THAP6: variants seen among roughly 807,000 people sequenced by gnomAD.
The protein encoded by THAP6 is THAP domain-containing protein 6.
THAP6 carries 13 observed loss-of-function variants against 20.0 expected under a neutral mutation model. The observed-to-expected ratio is 0.65, with a 90% CI of 0.42 to 1.03. THAP6 has a LOEUF of 1.03. Ranked by LOEUF, THAP6 falls within the 50% of genes least tolerant of loss-of-function variation. The pLI is 0.00. For synonymous variants in THAP6, 93 were observed against 92.2 expected, an observed-to-expected ratio of 1.01 and a Z score of -0.05; for missense variants, 262 against 261.6, an observed-to-expected ratio of 1.00 and a Z score of -0.01.
Position 75,521,873 on chromosome 4 carries a change from A to G in THAP6, c.414+12A>G. On this transcript the variant is annotated intron_variant, in intron 4 of 4. Transcript: ENST00000311638. ...CCCAGTTCATTTTTGTAAGTAAATT[A>G]CTTGCTGAGCTCATGTTAATTCTTT... 6.2e-7 allele frequency: 1 copy of G among 1,613,316 alleles called. No individual in the cohort carries two copies. Among genetic ancestry groups the G allele is most frequent in the Non-Finnish European group, 8.5e-7 (1 of 1,179,492 alleles).
chr4:75,520,770 C>T (rs947749568), intron 3 of THAP6, among the ~76,000 whole-genome samples: 6 of 152,172 alleles, frequency 3.9e-5, no homozygotes, highest in African/African-American at 7.2e-5. Context: ...ATCTATCCCC[C>T]TACTAGCTAT....
chr4:75,540,710 A>G (rs1301287332), intron 2 of THAP6, among the ~76,000 whole-genome samples: 1 of 152,238 alleles, frequency 6.6e-6, no homozygotes, highest in Non-Finnish European at 1.5e-5. Context: ...GCATTCAGCT[A>G]CAGACTTGCC....
At chr4:75,532,336 C>T (rs1419439030), downstream of THAP6, among the ~76,000 whole-genome samples, 1 of 152,194 alleles carries the variant, frequency 6.6e-6, no homozygotes, top group Non-Finnish European at 1.5e-5. Context: ...TCAGGTAATG[C>T]TAATGCAAGG....
At chr4:75,532,885 C>A (rs984556490), downstream of THAP6, among the ~76,000 whole-genome samples, 1 of 152,170 alleles carries the variant, frequency 6.6e-6, no homozygotes, top group East Asian at 1.9e-4. Flanking sequence ...GCCTGGCCCA[C>A]AAAACCATAC....
chr4:75,530,457 G>T (rs147654891), downstream of THAP6, among the ~76,000 whole-genome samples: 5 of 152,208 alleles, frequency 3.3e-5, no homozygotes, highest in East Asian at 7.7e-4. Context: ...ATGTTTATAG[G>T]CCCCTGAATT....
In THAP6 at chr4:75,516,798, G is replaced by A. The variant is rs769951434; in HGVS notation, c.107G>A (p.Arg36Lys). 1.9e-6 allele frequency: 3 copies of A among 1,613,660 alleles called. No homozygotes were observed. The East Asian group carries it at 6.7e-5, about 36-fold the overall frequency. Residue 36 changes from arginine to lysine, a missense_variant, in exon 3 of 5, where the codon AGG becomes AAG. Transcript: ENST00000311638. ...TTCCCCACAGATGAAAACATCAAAA[G>A]GAAATGGGTATTAGCAATGAAAAGA... ...HVFPTDENIKRKWVLAMKRLD... is the reference protein window; with the variant it reads ...HVFPTDENIKKKWVLAMKRLD...
Position 75,529,048 on chromosome 4 carries a change from A to G in THAP6, c.*1834A>G, listed in dbSNP as rs964725623. 2 of 883,180 alleles carry G rather than the reference A, an allele frequency of 2.3e-6. No homozygotes were observed. Among genetic ancestry groups the G allele is most frequent in the African/African-American group, 1.8e-5 (1 of 55,122 alleles). The allele number at this position is 883,180 out of a possible 1,614,324, so 54.7% of individuals were successfully genotyped here. The stretch of plus-strand genomic sequence containing the variant: ...AGCCTGAGCAACAGAGCAAGACTCC[A>G]TCTCAAAAAAACAAAACTACTTTCA... On this transcript the variant is annotated 3_prime_UTR_variant, in exon 5 of 5. Coordinates refer to ENST00000311638, the MANE Select transcript of THAP6 (RefSeq NM_144721.6).
intron 4 of THAP6, among the ~76,000 whole-genome samples, chr4:75,525,682 G>T (rs1434813724): frequency 6.6e-6 from 1 of 152,100 alleles, no homozygotes; most frequent in Non-Finnish European, 1.5e-5. Flanking sequence ...GTTTTAATTT[G>T]CCAGATGCTA....
At chr4:75,516,244 T>C (rs1725619330) in intron 2 of THAP6, among the ~76,000 whole-genome samples, 1 of 152,220 alleles carries the variant, frequency 6.6e-6, no homozygotes, top group Non-Finnish European at 1.5e-5. Context: ...GGCCTTCATA[T>C]CTCTCAAAAT....
chr4:75,521,648 C>T lies in THAP6; in HGVS notation c.289-88C>T, dbSNP rs1012373079. 1.4e-5 allele frequency: 18 copies of T among 1,322,514 alleles called. No homozygotes were observed. In the Admixed American group the frequency reaches 4.4e-4, roughly 32 times the overall value. 81.9% of individuals were successfully genotyped at this position (1,322,514 alleles called of 1,614,324 possible). A position where few individuals can be genotyped will look rare whatever the true frequency, so the allele number is the denominator to read the frequency against. ...TCCATGAAAAGAAATGTGGTATTAA[C>T]TTCACTATACAAAGTTAAGAAGGAA... is the stretch of plus-strand genomic sequence containing the variant. On this transcript the variant is annotated intron_variant, in intron 3 of 4. Transcript: ENST00000311638.
intron 4 of THAP6, among the ~76,000 whole-genome samples, chr4:75,524,566 T>C (rs1726245566): frequency 1.3e-5 from 2 of 152,188 alleles, no homozygotes; most frequent in Non-Finnish European, 2.9e-5. Flanking sequence ...CACTAGGTAA[T>C]CAAATTCTAG....
chr4:75,528,254 A>C lies in THAP6; in HGVS notation c.*1040A>C. ...GCAGCTTTAGAATAGCTTCTTACTGAATATGCAAAAGAATAATTCCTTGTT... is the reference window on the plus strand; with the variant it reads ...GCAGCTTTAGAATAGCTTCTTACTGCATATGCAAAAGAATAATTCCTTGTT... On this transcript the variant is annotated 3_prime_UTR_variant, in exon 5 of 5. Coordinates refer to ENST00000311638, the MANE Select transcript of THAP6 (RefSeq NM_144721.6). The C allele has an allele frequency of 3.0e-6, 3 of 985,446 alleles. No homozygotes were observed. The highest frequency in any genetic ancestry group is 3.6e-6 in the Non-Finnish European group (3 of 829,916). The allele number at this position is 985,446 out of a possible 1,614,324, so 61.0% of individuals were successfully genotyped here.
At chr4:75,537,513 C>T (rs915634670) in intron 2 of THAP6, among the ~76,000 whole-genome samples, 4 of 152,110 alleles carry the variant, frequency 2.6e-5, no homozygotes, top group African/African-American at 9.7e-5. Context: ...TAAGATGCGA[C>T]TTTCTTCTCC....
intron 2 of THAP6, chr4:75,539,861 A>G: frequency 6.5e-7 from 1 of 1,536,132 alleles, no homozygotes; most frequent in Non-Finnish European, 8.7e-7. Context: ...CATCCCAGAA[A>G]CACAGGAAAA....
chr4:75,532,397 A>C (rs150532794), downstream of THAP6, among the ~76,000 whole-genome samples: 1,295 of 152,314 alleles, frequency 8.5e-3, 10 homozygotes, highest in Non-Finnish European at 0.012. Context: ...TTTGCAGGGT[A>C]CAGCCTCCCT....
chr4:75,528,116 C>G lies in THAP6; in HGVS notation c.*902C>G, dbSNP rs1455377272. The G allele has an allele frequency of 9.1e-6, 9 of 984,818 alleles. No individual in the cohort carries two copies. The highest frequency in any genetic ancestry group is 1.1e-5 in the Non-Finnish European group (9 of 829,528). The allele number at this position is 984,818 out of a possible 1,614,324, so 61.0% of individuals were successfully genotyped here. On this transcript the variant is annotated 3_prime_UTR_variant, in exon 5 of 5. Coordinates refer to ENST00000311638, the MANE Select transcript of THAP6 (RefSeq NM_144721.6). Reference sequence around the variant, plus strand: ...AAAAGAAACCATTAGAAATTAATAACTGTGGCTCTTCCAGTTGAAATAGGA... The same window carrying G: ...AAAAGAAACCATTAGAAATTAATAAGTGTGGCTCTTCCAGTTGAAATAGGA...
At chr4:75,517,014 C>CA (rs1725699452) in intron 3 of THAP6, 35 bp downstream of exon 3, 240 of 939,702 alleles carry the variant, frequency 2.6e-4, no homozygotes, top group Non-Finnish European at 3.4e-4. Context: ...CATCATTGCT[C>CA]ACTTTTTTTT....
chr4:75,528,723 T>C lies in THAP6; in HGVS notation c.*1509T>C. The C allele has an allele frequency of 1.1e-6, 1 of 935,122 alleles. No individual in the cohort carries two copies. Among genetic ancestry groups the C allele is most frequent in the Non-Finnish European group, 1.3e-6 (1 of 786,998 alleles). The allele number at this position is 935,122 out of a possible 1,614,324, so 57.9% of individuals were successfully genotyped here. On this transcript the variant is annotated 3_prime_UTR_variant, in exon 5 of 5. Transcript: ENST00000311638. ...GGAAATCACTGAGGCCATATCTTTT[T>C]ACAATCTGAAAAAAAAGTAGTAAAA...
At chr4:75,523,897 G>C (rs931347666) in intron 4 of THAP6, among the ~76,000 whole-genome samples, 6 of 151,840 alleles carry the variant, frequency 4.0e-5, no homozygotes, top group African/African-American at 1.5e-4. Flanking sequence ...CATAGTTTGA[G>C]GTCTTAGATT....
Sources: allele counts gnomAD v4.1 joint callset (sites outside exome capture counted in the v4.1 genomes callset), GRCh38; gene constraint gnomAD v4.1.1; transcripts MANE v1.5; gene names NCBI Gene and HGNC (gene_info 2026-07-23, HGNC 2026-07-21).